The following CD226 variants were observed in gnomAD, a reference collection of about 807,000 sequenced individuals.
CD226 encodes CD226 molecule.
A neutral mutation model predicts 34.9 loss-of-function variants in CD226; 24 were observed. That is an observed-to-expected ratio of 0.69 (90% CI 0.50 to 0.97). The LOEUF (loss-of-function observed/expected upper bound fraction) is 0.97, where lower values mean the gene tolerates loss of function less well. Ranked by LOEUF, CD226 falls within the 50% of genes least tolerant of loss-of-function variation. The probability of loss-of-function intolerance (pLI) is 0.00; values close to 1 mark genes in which losing one functional copy is unlikely to be tolerated. For synonymous variants in CD226, 148 were observed against 147.4 expected (o/e 1.00, Z -0.03); for missense variants, 397 against 412.7 (o/e 0.96, Z 0.33).
At position 69,855,941 on chromosome 18, in the gene CD226, A is replaced by T. The variant is rs1982598057; in HGVS notation, c.*8373T>A. ...CCAATATGATCATTACATATTGTATACAGGTATCAAAACATCACATGTACC... is the reference window on the plus strand; with the variant it reads ...CCAATATGATCATTACATATTGTATTCAGGTATCAAAACATCACATGTACC... On this transcript the variant is annotated 3_prime_UTR_variant, in exon 6 of 6. Coordinates refer to ENST00000582621, the MANE Select transcript of CD226 (RefSeq NM_001303618.2). 1 of 152,184 alleles carries T rather than the reference A, an allele frequency of 6.6e-6. No homozygotes were observed. The highest frequency in any genetic ancestry group is 1.5e-5 in the Non-Finnish European group (1 of 68,004). The allele number at this position is 152,184 out of a possible 1,614,324, so 9.4% of individuals were successfully genotyped here.
At chr18:69,918,395 A>T (rs1008477814) in intron 2 of CD226, among the ~76,000 whole-genome samples, 2 of 152,076 alleles carry the variant, frequency 1.3e-5, no homozygotes, top group African/African-American at 4.8e-5. Context: ...ACTACTAAAA[A>T]TACAAAAATA....
intron 2 of CD226, among the ~76,000 whole-genome samples, chr18:69,944,804 A>C (rs1398127247): frequency 6.6e-6 from 1 of 152,266 alleles, no homozygotes; most frequent in Non-Finnish European, 1.5e-5. Flanking sequence ...ATACAACAGC[A>C]AATGAGGACT....
intron 2 of CD226, among the ~76,000 whole-genome samples, chr18:69,917,239 T>A (rs1329552496): frequency 6.6e-6 from 1 of 152,186 alleles, no homozygotes; most frequent in East Asian, 1.9e-4. Context: ...TCAGCACATA[T>A]TCTAAGGCCT....
chr18:69,929,701 T>C (rs979782434), intron 2 of CD226, among the ~76,000 whole-genome samples: 5 of 152,138 alleles, frequency 3.3e-5, no homozygotes, highest in Admixed American at 2.6e-4. Flanking sequence ...AGAGCTTCAC[T>C]TGGATGTCTA....
chr18:69,946,337 C>T (rs1407176668), intron 2 of CD226, among the ~76,000 whole-genome samples: 2 of 151,882 alleles, frequency 1.3e-5, no homozygotes, highest in African/African-American at 4.8e-5. Context: ...GAACCTTGAA[C>T]ACACAGGGGT....
In CD226 at chr18:69,920,178, T is replaced by G. The variant is rs151195386; in HGVS notation, c.383-24133A>C. Among the ~76,000 whole-genome samples, 1,061 of 152,320 alleles carry G rather than the reference T, an allele frequency of 7.0e-3. 10 individuals carry two copies. Among genetic ancestry groups the G allele is most frequent in the African/African-American group, 0.024 (998 of 41,574 alleles). Reference sequence around the variant, plus strand: ...CATGCCTAGCCTTGTTGTCACTCTCTACACAGGCTCAAACCCAAAAATAGA... The same window carrying G: ...CATGCCTAGCCTTGTTGTCACTCTCGACACAGGCTCAAACCCAAAAATAGA... On this transcript the variant is annotated intron_variant, in intron 2 of 5. Coordinates refer to ENST00000582621, the MANE Select transcript of CD226 (RefSeq NM_001303618.2).
intron 3 of CD226, among the ~76,000 whole-genome samples, chr18:69,878,703 C>T (rs1051030411): frequency 6.6e-6 from 1 of 152,144 alleles, no homozygotes; most frequent in Admixed American, 6.6e-5. Flanking sequence ...TTTTGAATGG[C>T]TTTTCTCAAA....
intron 3 of CD226, among the ~76,000 whole-genome samples, chr18:69,873,802 C>T (rs1358095402): frequency 3.3e-5 from 5 of 152,120 alleles, no homozygotes; most frequent in African/African-American, 9.7e-5. Flanking sequence ...ACCCCAGAGG[C>T]GGAGCTTGCA....
In CD226 at chr18:69,873,164, G is replaced by T. The variant is rs376312678; in HGVS notation, c.810C>A (p.Ile270=). 8.8e-6 allele frequency: 14 copies of T among 1,596,248 alleles called. No individual in the cohort carries two copies. Among genetic ancestry groups the T allele is most frequent in the Non-Finnish European group, 1.1e-5 (13 of 1,163,992 alleles). ...CTCACCTGTTAAGGAAAATGACAAT[G>T]ATGGTGGTAATTGAGATAACAAACA... ...LLLFVISITT[I]IVIFLNRRRR... The change falls in exon 4 of 6, where the codon ATC becomes ATA. Residue 270 remains isoleucine, a synonymous_variant. Transcript: ENST00000582621.
At chr18:69,865,697 C>CA (rs1271946673) in intron 5 of CD226, among the ~76,000 whole-genome samples, 2 of 151,512 alleles carry the variant, frequency 1.3e-5, no homozygotes, top group African/African-American at 4.8e-5. Context: ...TGCCAACAAA[C>CA]AAAAAAAATA....
In CD226 at chr18:69,883,965, C is replaced by T. The variant is rs144473820; in HGVS notation, c.728-10719G>A. Among the ~76,000 whole-genome samples the T allele has an allele frequency of 3.0e-4, 46 of 152,308 alleles. No homozygotes were observed. The East Asian group carries it at 8.5e-3, about 28-fold the overall frequency. On this transcript the variant is annotated intron_variant, in intron 3 of 5. Transcript: ENST00000582621. ...AGCAAATCAGCAAAGGGATAAACTGCCTGGGCAAAGTCAGAAGGACTGGCT... is the reference window on the plus strand; with the variant it reads ...AGCAAATCAGCAAAGGGATAAACTGTCTGGGCAAAGTCAGAAGGACTGGCT...
At chr18:69,869,291 G>A (rs1271132124) in intron 4 of CD226, among the ~76,000 whole-genome samples, 2 of 152,128 alleles carry the variant, frequency 1.3e-5, no homozygotes, top group Non-Finnish European at 2.9e-5. Flanking sequence ...AAGAAAATGT[G>A]GTACACATAT....
In CD226 at chr18:69,862,868, C is replaced by G. The variant is rs1457161784; in HGVS notation, c.*1446G>C. ...ATACAGCCTTCATAATGAATCTTTT[C>G]TAGATGGTGGTCTTTAGAAATCTTT... On this transcript the variant is annotated 3_prime_UTR_variant, in exon 6 of 6. Coordinates refer to ENST00000582621, the MANE Select transcript of CD226 (RefSeq NM_001303618.2). The G allele has an allele frequency of 6.6e-6, 1 of 152,156 alleles. No individual in the cohort carries two copies. The highest frequency in any genetic ancestry group is 1.5e-5 in the Non-Finnish European group (1 of 68,002). 9.4% of individuals were successfully genotyped at this position (152,156 alleles called of 1,614,324 possible).
intron 2 of CD226, among the ~76,000 whole-genome samples, chr18:69,903,275 G>A (rs72957817): frequency 0.019 from 2,832 of 152,266 alleles, 38 homozygotes; most frequent in Middle Eastern, 0.027. Context: ...GAGCTGTCAG[G>A]CAGCTTCAAG....
Position 69,857,275 on chromosome 18 carries a change from T to C in CD226, c.*7039A>G, listed in dbSNP as rs529878590. The C allele has an allele frequency of 2.0e-5, 3 of 152,362 alleles. No homozygotes were observed. The highest frequency in any genetic ancestry group is 3.9e-4 in the East Asian group (2 of 5,188). 9.4% of individuals were successfully genotyped at this position (152,362 alleles called of 1,614,324 possible). A position where few individuals can be genotyped will look rare whatever the true frequency, so the allele number is the denominator to read the frequency against. On this transcript the variant is annotated 3_prime_UTR_variant, in exon 6 of 6. Transcript: ENST00000582621. ...TCTATCTCTAGAAGCTACTGAGCCA[T>C]TACATTTCTTTGTACATTTTTTATG...
At chr18:69,958,016 G>C (rs1480525319), upstream of CD226, among the ~76,000 whole-genome samples, 1 of 152,108 alleles carries the variant, frequency 6.6e-6, no homozygotes, top group Admixed American at 6.5e-5. Flanking sequence ...AATGGGGCAG[G>C]GCCTTTGCAC....
intron 3 of CD226, among the ~76,000 whole-genome samples, chr18:69,892,195 T>A (rs1984944486): frequency 6.6e-6 from 1 of 152,230 alleles, no homozygotes. Context: ...TTTTCAATAT[T>A]AGCCTCCTCC....
intron 2 of CD226, among the ~76,000 whole-genome samples, chr18:69,940,561 TGGA>T (rs2055711298): frequency 6.6e-6 from 1 of 152,076 alleles, no homozygotes. Context: ...TTTTGGGAAA[TGGA>T]GTAAAGGTCA....
At chr18:69,877,742 C>T (rs1490881193) in intron 3 of CD226, among the ~76,000 whole-genome samples, 1 of 152,202 alleles carries the variant, frequency 6.6e-6, no homozygotes, top group Non-Finnish European at 1.5e-5. Context: ...TATAGATCTG[C>T]ATATCCTAAT....
Sources: gnomAD v4.1 joint callset for allele counts (sites outside exome capture counted in the v4.1 genomes callset) on GRCh38, gnomAD v4.1.1 for gene constraint, MANE v1.5 for transcripts, NCBI Gene and HGNC (gene_info 2026-07-23, HGNC 2026-07-21) for gene names.